Variants in LAIR1 observed in about 807,000 individuals in gnomAD.
LAIR1 encodes leukocyte associated immunoglobulin like receptor 1.
LAIR1 carries 24 observed loss-of-function variants against 32.8 expected under a neutral mutation model. The ratio of observed to expected loss-of-function variants is 0.73; its 90% CI spans 0.53 to 1.03. The LOEUF (loss-of-function observed/expected upper bound fraction) is 1.03. LAIR1 is among the 50% of genes least tolerant of loss of function. LAIR1 has a pLI of 0.00. For synonymous variants in LAIR1, 150 were observed against 140.5 expected (o/e 1.07, Z -0.48); for missense variants, 355 against 347.5 (o/e 1.02, Z -0.17).
Position 54,361,004 on chromosome 19 carries a change from T to C in LAIR1, c.276A>G (p.Arg92=). 1 of 1,614,248 alleles carries C rather than the reference T, an allele frequency of 6.2e-7. No homozygotes were observed. Among genetic ancestry groups the C allele is most frequent in the Non-Finnish European group, 8.5e-7 (1 of 1,180,042 alleles). ...SEARFRIDSV[R]EGNAGLYRCI... ...AGCGATAAAGCCCGGCATTTCCTTC[T>C]CTTACTGAGTCAATGCGGAATCTGG... is the stretch of plus-strand genomic sequence containing the variant. The change falls in exon 3 of 10, where the codon AGA becomes AGG. Residue 92 remains arginine (R), a synonymous_variant. Transcript: ENST00000391742.
chr19:54,354,674 A>G lies in LAIR1; in HGVS notation c.*594T>C, dbSNP rs2081620355. ...CCAGGACCAGGCCTGGGGCTGCCAG[A>G]TGTGAGGCCTTCAAAATTATTTATT... On this transcript the variant is annotated 3_prime_UTR_variant, in exon 10 of 10. Transcript: ENST00000391742. 6.6e-6 allele frequency: 1 copy of G among 152,254 alleles called. No individual in the cohort carries two copies. 9.4% of individuals were successfully genotyped at this position (152,254 alleles called of 1,614,324 possible). A position where few individuals can be genotyped will look rare whatever the true frequency, so the allele number is the denominator to read the frequency against.
At chr19:54,373,011 T>C (rs1283221026), upstream of LAIR1, among the ~76,000 whole-genome samples, 6 of 150,380 alleles carry the variant, frequency 4.0e-5, no homozygotes, top group Admixed American at 4.0e-4. Context: ...GCGCCTGTAA[T>C]CCCAGCTGCT....
chr19:54,356,837 G>T, intron 5 of LAIR1, 91 bp downstream of exon 5: 1 of 1,498,802 alleles, frequency 6.7e-7, no homozygotes, highest in East Asian at 2.4e-5. Flanking sequence ...CATTGGCAGA[G>T]CAGGAATCTG....
intron 2 of LAIR1, among the ~76,000 whole-genome samples, chr19:54,363,676 C>T (rs2082127529): frequency 6.6e-6 from 1 of 152,178 alleles, no homozygotes; most frequent in Admixed American, 6.5e-5. Context: ...GGACGTTAGG[C>T]TAAGTGAAAT....
chr19:54,361,310 TAG>T, intron 2 of LAIR1, 101 bp from the exon 3 acceptor site: 2 of 1,322,598 alleles, frequency 1.5e-6, no homozygotes, highest in Admixed American at 3.6e-5. Context: ...AGCAATTTTA[TAG>T]AGTTATGCAG....
At chr19:54,369,470 C>T (rs1279801067), upstream of LAIR1, among the ~76,000 whole-genome samples, 1 of 151,376 alleles carries the variant, frequency 6.6e-6, no homozygotes, top group Non-Finnish European at 1.5e-5. Flanking sequence ...TGGGTTTTTC[C>T]ATAAGAAGGG....
chr19:54,364,135 G>A lies in LAIR1; in HGVS notation c.70+160C>T, dbSNP rs1038656304. Among the ~76,000 whole-genome samples, 2 of 152,094 alleles carry A rather than the reference G, an allele frequency of 1.3e-5. No homozygotes were observed. Among genetic ancestry groups the A allele is most frequent in the African/African-American group, 4.8e-5 (2 of 41,388 alleles). On this transcript the variant is annotated intron_variant, in intron 2 of 9. Coordinates refer to ENST00000391742, the MANE Select transcript of LAIR1 (RefSeq NM_002287.6). The surrounding 1 kb of genome is among the most constrained non-coding windows in gnomAD (Gnocchi z 4.8). ...GGTGGAGGATGCGAGAGAGAACTGG[G>A]TGAGGGTTGGTTATGCATTTTACAT...
Position 54,356,226 on chromosome 19 carries a change from T to C in LAIR1, c.664+4A>G. 1 of 1,610,132 alleles carries C rather than the reference T, an allele frequency of 6.2e-7. No homozygotes were observed. Among genetic ancestry groups the C allele is most frequent in the South Asian group, 1.1e-5 (1 of 90,866 alleles). ...CAGGCCTGTCCCTCCTCCTCCCCCT[T>C]TACCTGCTGTCCTCTCTAGAACATC... is the stretch of plus-strand genomic sequence containing the variant. On this transcript the variant is annotated splice_donor_region_variant and intron_variant, in intron 8 of 9. Transcript: ENST00000391742.
At chr19:54,356,848 A>G (rs1257468327) in intron 5 of LAIR1, 80 bp downstream of exon 5, 1 of 1,549,964 alleles carries the variant, frequency 6.5e-7, no homozygotes, top group Non-Finnish European at 8.8e-7. Context: ...CAGGAATCTG[A>G]TCAACCCCAA....
In LAIR1 at chr19:54,356,913, G is replaced by T; in HGVS notation, c.454+15C>A. On this transcript the variant is annotated intron_variant, in intron 5 of 9. Transcript: ENST00000391742. Reference sequence around the variant, plus strand: ...GCACACACCAGCTTCATGCTCCACGGCCCCCATCACTCACGCTCATTGTGA... The same window carrying T: ...GCACACACCAGCTTCATGCTCCACGTCCCCCATCACTCACGCTCATTGTGA... The T allele has an allele frequency of 6.2e-7, 1 of 1,613,634 alleles. No homozygotes were observed. Among genetic ancestry groups the T allele is most frequent in the South Asian group, 1.1e-5 (1 of 90,982 alleles).
chr19:54,358,670 C>G, intron 4 of LAIR1: 1 of 1,457,114 alleles, frequency 6.9e-7, no homozygotes. Flanking sequence ...GAGCATCCCT[C>G]CTTTGGGGTT....
chr19:54,365,039 C>A, upstream of LAIR1: 1 of 1,408,438 alleles, frequency 7.1e-7, no homozygotes. Flanking sequence ...CCCTAAATGT[C>A]GCTTAGAGGC....
upstream of LAIR1, chr19:54,370,572 A>G: frequency 6.0e-6 from 2 of 333,100 alleles, no homozygotes; most frequent in Non-Finnish European, 1.1e-5. Context: ...TCAGGAACGG[A>G]GCAAAACTGA....
At position 54,356,914 on chromosome 19, in the gene LAIR1, C is replaced by T. The variant is rs1354176776; in HGVS notation, c.454+14G>A. On this transcript the variant is annotated intron_variant, in intron 5 of 9. Transcript: ENST00000391742. ...CACACACCAGCTTCATGCTCCACGG[C>T]CCCCATCACTCACGCTCATTGTGAC... The T allele has an allele frequency of 6.2e-7, 1 of 1,613,586 alleles. No individual in the cohort carries two copies. Among genetic ancestry groups the T allele is most frequent in the African/African-American group, 1.3e-5 (1 of 74,900 alleles).
At chr19:54,360,785 G>C (rs560028913) in intron 3 of LAIR1, 131 bp downstream of exon 3, 1 of 648,708 alleles carries the variant, frequency 1.5e-6, no homozygotes, top group East Asian at 2.8e-5. Flanking sequence ...AAGAAGGGGA[G>C]GGGAGGGCTT....
Position 54,364,865 on chromosome 19 carries a change from CAGCAGACACA to C in LAIR1, c.-71_-62del. The C allele has an allele frequency of 6.2e-7, 1 of 1,613,914 alleles. No homozygotes were observed. Among genetic ancestry groups the C allele is most frequent in the South Asian group, 1.1e-5 (1 of 91,054 alleles). On this transcript the variant is annotated 5_prime_UTR_variant, in exon 1 of 10. Transcript: ENST00000391742. The surrounding 1 kb of genome is among the most constrained non-coding windows in gnomAD (Gnocchi z 4.8). ...GCACCAATGCAAGGACAGAACTCTG[CAGCAGACACA>C]AGCAGACAGGATGTGCTGCCCGGGG...
At chr19:54,356,333 G>A (rs776840834) in intron 7 of LAIR1, 23 bp downstream of exon 7, 8 of 1,599,498 alleles carry the variant, frequency 5.0e-6, no homozygotes, top group Non-Finnish European at 6.8e-6. Context: ...TGGAGGTCCA[G>A]GAGTCATTCC....
Position 54,353,701 on chromosome 19 carries a change from T to C in LAIR1, c.*1567A>G, listed in dbSNP as rs1415387309. ...CAACTGCCCCATAGAAAGAGCTGGC[T>C]GAGTTTTTGCTGAATTCTTAAAAAT... On this transcript the variant is annotated 3_prime_UTR_variant, in exon 10 of 10. Coordinates refer to ENST00000391742, the MANE Select transcript of LAIR1 (RefSeq NM_002287.6). 1 of 152,200 alleles carries C rather than the reference T, an allele frequency of 6.6e-6. No individual in the cohort carries two copies. 9.4% of individuals were successfully genotyped at this position (152,200 alleles called of 1,614,324 possible).
At chr19:54,365,153 C>T, upstream of LAIR1, 21 of 880,278 alleles carry the variant, frequency 2.4e-5, no homozygotes, top group Non-Finnish European at 3.0e-5. Context: ...GCCGTCCCAA[C>T]TCCACAAGTT....
Sources: gnomAD v4.1 joint callset for allele counts (sites outside exome capture counted in the v4.1 genomes callset) on GRCh38, gnomAD v4.1.1 for gene constraint, Gnocchi (gnomAD v3.1) non-coding constraint, MANE v1.5 for transcripts, NCBI Gene and HGNC (gene_info 2026-07-23, HGNC 2026-07-21) for gene names.